SAMMSON: variants seen among roughly 807,000 people sequenced by gnomAD.
SAMMSON encodes survival associated mitochondrial melanoma specific oncogenic non-coding RNA, also known as long intergenic non-protein coding RNA 1212.
At chr3:70,006,971 A>G (rs2066930014) in intron 1 of SAMMSON, among the ~76,000 whole-genome samples, 1 of 152,080 alleles carries the variant, frequency 6.6e-6, no homozygotes, top group Admixed American at 6.5e-5. Flanking sequence ...TACAAAGGAC[A>G]TGAACTCATC....
At chr3:70,381,529 C>T (rs1193780004) in intron 9 of SAMMSON, among the ~76,000 whole-genome samples, 2 of 152,148 alleles carry the variant, frequency 1.3e-5, no homozygotes, top group Non-Finnish European at 2.9e-5. Flanking sequence ...CATGTGCCCA[C>T]TGATAAACTG....
chr3:70,342,731 G>C (rs964575717), intron 7 of SAMMSON, among the ~76,000 whole-genome samples: 3 of 152,164 alleles, frequency 2.0e-5, no homozygotes, highest in South Asian at 4.1e-4. Flanking sequence ...CCAAGGGACA[G>C]TCAGTATTGC....
At chr3:70,210,720 T>C (rs1701334911) in intron 4 of SAMMSON, among the ~76,000 whole-genome samples, 2 of 152,086 alleles carry the variant, frequency 1.3e-5, no homozygotes, top group South Asian at 4.1e-4. Context: ...GAAAATAATT[T>C]TTACCAATAG....
intron 4 of SAMMSON, chr3:70,124,995 T>C: frequency 1.5e-6 from 1 of 662,058 alleles, no homozygotes; most frequent in Non-Finnish European, 2.7e-6. Flanking sequence ...GTCCAGGTGG[T>C]CAATTTCTTC....
intron 6 of SAMMSON, among the ~76,000 whole-genome samples, chr3:70,284,413 AAAAC>A (rs1347242590): frequency 6.6e-6 from 1 of 152,154 alleles, no homozygotes; most frequent in Non-Finnish European, 1.5e-5. Flanking sequence ...AACAAAAGCA[AAAAC>A]AAAAAGAGAA....
chr3:70,130,974 C>T (rs1486942037), intron 4 of SAMMSON, among the ~76,000 whole-genome samples: 1 of 152,066 alleles, frequency 6.6e-6, no homozygotes, highest in Non-Finnish European at 1.5e-5. Flanking sequence ...GTTTATTATT[C>T]AACTATATTA....
At chr3:70,221,461 A>G (rs1576160256) in intron 4 of SAMMSON, among the ~76,000 whole-genome samples, 1 of 152,144 alleles carries the variant, frequency 6.6e-6, no homozygotes, top group Non-Finnish European at 1.5e-5. Flanking sequence ...GAATTTGGGC[A>G]TTTGGATTCT....
intron 4 of SAMMSON, among the ~76,000 whole-genome samples, chr3:70,231,332 C>T (rs1701558315): frequency 6.6e-6 from 1 of 152,224 alleles, no homozygotes; most frequent in African/African-American, 2.4e-5. Context: ...ACCTGCTAGA[C>T]AAGCAGCCCG....
intron 4 of SAMMSON, among the ~76,000 whole-genome samples, chr3:70,163,729 A>G (rs2067625789): frequency 6.6e-6 from 1 of 152,000 alleles, no homozygotes; most frequent in Non-Finnish European, 1.5e-5. Context: ...GGGATTGGAA[A>G]TTAGTAAAAA....
chr3:70,003,844 A>G (rs941252777), intron 1 of SAMMSON, among the ~76,000 whole-genome samples: 1 of 152,044 alleles, frequency 6.6e-6, no homozygotes, highest in Admixed American at 6.6e-5. Flanking sequence ...CTAGTCTTTT[A>G]GAATGAAAAT....
intron 7 of SAMMSON, among the ~76,000 whole-genome samples, chr3:70,318,322 C>G (rs1024645079): frequency 2.6e-5 from 4 of 151,924 alleles, no homozygotes; most frequent in African/African-American, 9.7e-5. Flanking sequence ...AGTCCCTTTT[C>G]TCTGTTCTTC....
intron 7 of SAMMSON, among the ~76,000 whole-genome samples, chr3:70,343,933 ATTATT>A (rs969397126): frequency 1.3e-5 from 2 of 150,468 alleles, no homozygotes; most frequent in East Asian, 1.9e-4. Flanking sequence ...ATAATTTTAT[ATTATT>A]TTATTTTGTT....
chr3:70,097,705 A>G (rs896241961), intron 4 of SAMMSON, among the ~76,000 whole-genome samples: 2 of 152,198 alleles, frequency 1.3e-5, no homozygotes, highest in South Asian at 4.1e-4. Context: ...TATGTGACAT[A>G]TATCTGGTCA....
intron 7 of SAMMSON, among the ~76,000 whole-genome samples, chr3:70,291,494 C>T (rs1234824984): frequency 6.6e-6 from 1 of 152,190 alleles, no homozygotes; most frequent in African/African-American, 2.4e-5. Context: ...CTACTTCTCA[C>T]ATTGTATTGT....
At chr3:70,208,060 A>T (rs972362178) in intron 4 of SAMMSON, among the ~76,000 whole-genome samples, 3 of 152,124 alleles carry the variant, frequency 2.0e-5, no homozygotes, top group Admixed American at 6.6e-5. Context: ...AAAGAGAAGC[A>T]TATCATAAAA....
At chr3:70,350,491 G>C (rs1297749588) in intron 7 of SAMMSON, among the ~76,000 whole-genome samples, 1 of 151,956 alleles carries the variant, frequency 6.6e-6, no homozygotes. Context: ...GAAACATCAT[G>C]AACCCTTTAT....
At chr3:70,295,683 C>A (rs922144418) in intron 7 of SAMMSON, among the ~76,000 whole-genome samples, 2 of 152,162 alleles carry the variant, frequency 1.3e-5, no homozygotes, top group South Asian at 4.1e-4. Context: ...CAGTGTGAGA[C>A]CCTATCTCAA....
intron 4 of SAMMSON, among the ~76,000 whole-genome samples, chr3:70,212,361 C>G (rs1246417809): frequency 6.6e-6 from 1 of 152,146 alleles, no homozygotes; most frequent in Non-Finnish European, 1.5e-5. Context: ...TTCTTCTCCC[C>G]AAACTGGAAT....
chr3:70,395,233 C>T (rs1256465606), intron 2 of SAMMSON, among the ~76,000 whole-genome samples: 6 of 151,846 alleles, frequency 4.0e-5, no homozygotes, highest in African/African-American at 1.5e-4. Flanking sequence ...CTCCATTCCA[C>T]TCTTCTCCCC....
Sources: allele counts gnomAD v4.1 joint callset (sites outside exome capture counted in the v4.1 genomes callset), GRCh38; gene constraint gnomAD v4.1.1; transcripts MANE v1.5; gene names NCBI Gene and HGNC (gene_info 2026-07-23, HGNC 2026-07-21).